Variants in TENM2 observed in about 807,000 individuals in gnomAD.
TENM2 encodes the protein teneurin transmembrane protein 2.
In TENM2, 52 loss-of-function variants were observed where a neutral mutation model predicts 245.2. The ratio of observed to expected loss-of-function variants is 0.21; its 90% CI spans 0.17 to 0.27. The LOEUF (loss-of-function observed/expected upper bound fraction) is 0.27. Among genes scored for constraint, TENM2 ranks in the 10% least tolerant of loss-of-function variants. The pLI is 1.00. For missense variants in TENM2, 3,046 were observed against 3,666.8 expected (o/e 0.83, Z 4.37); for synonymous variants, 1,363 against 1,438.9 (o/e 0.95, Z 1.19).
chr5:167,344,325 T>G (rs2059097), intron 1 of TENM2, among the ~76,000 whole-genome samples: 33,485 of 143,404 alleles, frequency 0.23, 4,835 homozygotes, highest in Non-Finnish European at 0.33. Flanking sequence ...TATATATATA[T>G]ATATAGATAT....
chr5:167,574,435 G>T (rs990959888), intron 2 of TENM2, among the ~76,000 whole-genome samples: 1 of 152,124 alleles, frequency 6.6e-6, no homozygotes, highest in African/African-American at 2.4e-5. Context: ...AACTTCTGAT[G>T]TGTTATAATA....
At chr5:167,776,571 G>T (rs1197950428) in intron 2 of TENM2, among the ~76,000 whole-genome samples, 3 of 118,324 alleles carry the variant, frequency 2.5e-5, no homozygotes, top group African/African-American at 1.0e-4. Context: ...CTCCAGCTTG[G>T]GCAGCAGATG....
At chr5:167,719,189 C>A (rs1369412330) in intron 2 of TENM2, among the ~76,000 whole-genome samples, 1 of 152,126 alleles carries the variant, frequency 6.6e-6, no homozygotes, top group African/African-American at 2.4e-5. Context: ...ATTGAAGATT[C>A]CATTCCTATT....
At chr5:167,790,072 G>C (rs1250540033) in intron 2 of TENM2, among the ~76,000 whole-genome samples, 3 of 152,062 alleles carry the variant, frequency 2.0e-5, no homozygotes, top group Non-Finnish European at 4.4e-5. Flanking sequence ...TCAGTTCTTT[G>C]AGTGTACTTT....
intron 2 of TENM2, among the ~76,000 whole-genome samples, chr5:167,445,021 A>G (rs1220508591): frequency 6.6e-6 from 1 of 152,100 alleles, no homozygotes; most frequent in African/African-American, 2.4e-5. Flanking sequence ...TTGAGCATTA[A>G]GAGTTATTAT....
intron 2 of TENM2, among the ~76,000 whole-genome samples, chr5:167,725,174 T>C (rs77128271): frequency 0.014 from 2,090 of 152,280 alleles, 40 homozygotes; most frequent in African/African-American, 0.048. Context: ...AATAAATTTT[T>C]TTTTTACCCC....
At chr5:168,256,333 A>T (rs1292961812) in intron 27 of TENM2, among the ~76,000 whole-genome samples, 1 of 151,894 alleles carries the variant, frequency 6.6e-6, no homozygotes, top group East Asian at 1.9e-4. Context: ...TACATAGTAG[A>T]TGCTCTGTAA....
At position 167,350,732 on chromosome 5, in the gene TENM2, T is replaced by C. The variant is rs182974595; in HGVS notation, c.227-24466T>C. On this transcript the variant is annotated intron_variant, in intron 1 of 28. Transcript: ENST00000518659. ...TATATATATATGGGATATATACATATGGATATATATATATGGGATATATAC... is the reference window on the plus strand; with the variant it reads ...TATATATATATGGGATATATACATACGGATATATATATATGGGATATATAC... Among the ~76,000 whole-genome samples the C allele has an allele frequency of 1.9e-3, 171 of 88,724 alleles. 5 individuals are homozygous for C. The highest frequency in any genetic ancestry group is 7.0e-3 in the East Asian group (20 of 2,860). 58.2% of individuals were successfully genotyped at this position (88,724 alleles called of 152,430 possible).
intron 2 of TENM2, among the ~76,000 whole-genome samples, chr5:167,442,107 C>G (rs1430431930): frequency 6.6e-6 from 1 of 152,142 alleles, no homozygotes; most frequent in Non-Finnish European, 1.5e-5. Flanking sequence ...TGAAATCTTG[C>G]ATTTGAAAAC....
At chr5:167,151,543 G>A in the TENM2 span, among the ~76,000 whole-genome samples, 2 of 152,028 alleles carry the variant, frequency 1.3e-5, no homozygotes, top group Non-Finnish European at 2.9e-5. Context: ...TTTTTTAGAC[G>A]GAGTCTTTCT....
chr5:167,864,261 G>T (rs1312976987), intron 2 of TENM2, among the ~76,000 whole-genome samples: 1 of 152,116 alleles, frequency 6.6e-6, no homozygotes, highest in Non-Finnish European at 1.5e-5. Flanking sequence ...GAAAAGGAAA[G>T]CTTCCAATAA....
the TENM2 span, among the ~76,000 whole-genome samples, chr5:167,260,933 A>G: frequency 6.6e-6 from 1 of 152,220 alleles, no homozygotes; most frequent in Admixed American, 6.5e-5. Context: ...TAAGAGCTTT[A>G]CATGAACTAG....
chr5:167,005,655 GTTTT>G, the TENM2 span, among the ~76,000 whole-genome samples: 69 of 52,984 alleles, frequency 1.3e-3, no homozygotes, highest in Non-Finnish European at 2.0e-3. Context: ...CTGTGTGTGG[GTTTT>G]TTTTTTTTTT....
chr5:167,796,869 G>C (rs1377587734), intron 2 of TENM2, among the ~76,000 whole-genome samples: 1 of 152,060 alleles, frequency 6.6e-6, no homozygotes, highest in Non-Finnish European at 1.5e-5. Context: ...GGCTTTCAAA[G>C]TCCTGATGCA....
At chr5:168,238,324 G>A (rs1286873608) in intron 25 of TENM2, among the ~76,000 whole-genome samples, 2 of 149,900 alleles carry the variant, frequency 1.3e-5, no homozygotes, top group Non-Finnish European at 1.5e-5. Context: ...GACTGACCCG[G>A]AAAGAAAATG....
At chr5:168,257,615 ATTTT>A (rs58911868) in intron 27 of TENM2, among the ~76,000 whole-genome samples, 9 of 131,004 alleles carry the variant, frequency 6.9e-5, no homozygotes, top group Admixed American at 3.1e-4. Context: ...GCAGCTCCTG[ATTTT>A]TTTTTTTTTT....
chr5:167,747,956 T>G (rs925075542), intron 2 of TENM2, among the ~76,000 whole-genome samples: 32 of 152,300 alleles, frequency 2.1e-4, no homozygotes, highest in African/African-American at 7.7e-4. Flanking sequence ...TTCTGTTACT[T>G]TCCAGTTGTC....
chr5:167,499,378 G>T (rs1244731649), intron 2 of TENM2, among the ~76,000 whole-genome samples: 1 of 152,154 alleles, frequency 6.6e-6, no homozygotes, highest in Non-Finnish European at 1.5e-5. Flanking sequence ...CTAAAAATGG[G>T]CATGGGGAAT....
chr5:167,188,509 T>A, the TENM2 span, among the ~76,000 whole-genome samples: 3 of 152,184 alleles, frequency 2.0e-5, no homozygotes, highest in South Asian at 4.1e-4. Context: ...AGGAAACCCT[T>A]CACTCAGTAT....
Sources: allele counts gnomAD v4.1 joint callset (sites outside exome capture counted in the v4.1 genomes callset), GRCh38; gene constraint gnomAD v4.1.1; transcripts MANE v1.5; gene names NCBI Gene and HGNC (gene_info 2026-07-23, HGNC 2026-07-21).